TNPO3: variants seen among roughly 807,000 people sequenced by gnomAD.
TNPO3 encodes transportin-3.
Under a neutral mutation model 122.8 loss-of-function variants are expected in TNPO3, and 65 were observed. The ratio of observed to expected loss-of-function variants is 0.53; its 90% CI spans 0.43 to 0.65. The LOEUF is 0.65. Among genes scored for constraint, TNPO3 ranks in the 30% least tolerant of loss-of-function variants. The pLI, the probability that TNPO3 is intolerant of heterozygous loss-of-function variation, is 0.00. For missense variants in TNPO3, 850 were observed against 1,136.7 expected (o/e 0.75, Z 3.63); for synonymous variants, 372 against 411.2 (o/e 0.90, Z 1.15).
intron 13 of TNPO3, among the ~76,000 whole-genome samples, chr7:128,983,331 C>T (rs1033284052): frequency 2.0e-5 from 3 of 152,064 alleles, no homozygotes; most frequent in African/African-American, 7.2e-5. Flanking sequence ...CTCAGCCTCC[C>T]GAGTAGCTGA....
Position 129,054,760 on chromosome 7 carries a change from G to A in TNPO3, c.11C>T (p.Ala4Val). The A allele has an allele frequency of 6.2e-7, 1 of 1,614,148 alleles. No individual in the cohort carries two copies. The highest frequency in any genetic ancestry group is 8.5e-7 in the Non-Finnish European group (1 of 1,180,014). Residue 4 changes from alanine to valine, a missense_variant, in exon 1 of 23, where the codon GCA becomes GTA. Coordinates refer to ENST00000265388, the MANE Select transcript of TNPO3 (RefSeq NM_012470.4). ...GTACACGAGCTGCAATGTCGGCTTT[G>A]CTCCTTCCATGGTGGTGGCGGTAGT... is the stretch of plus-strand genomic sequence containing the variant. MEG[A>V]KPTLQLVYQA...
chr7:129,033,906 CAAA>C (rs776103730), intron 1 of TNPO3, among the ~76,000 whole-genome samples: 13 of 72,452 alleles, frequency 1.8e-4, no homozygotes, highest in South Asian at 4.4e-4. Flanking sequence ...GAGCTAAACT[CAAA>C]AAAAAAAAAA....
chr7:129,053,283 C>G (rs1563116030), intron 1 of TNPO3, among the ~76,000 whole-genome samples: 1 of 151,436 alleles, frequency 6.6e-6, no homozygotes, highest in Non-Finnish European at 1.5e-5. Context: ...CGAGATAGCA[C>G]CACTGCACTC....
chr7:129,049,450 T>C (rs1808446524), intron 1 of TNPO3, among the ~76,000 whole-genome samples: 1 of 152,138 alleles, frequency 6.6e-6, no homozygotes, highest in African/African-American at 2.4e-5. Context: ...ACTAGAATGA[T>C]AGATCTTGGA....
intron 1 of TNPO3, among the ~76,000 whole-genome samples, chr7:129,035,945 CTTTTCTTTT>C (rs1806600872): frequency 1.0e-5 from 1 of 95,608 alleles, no homozygotes; most frequent in Non-Finnish European, 2.4e-5. Flanking sequence ...TTTTTCTTTT[CTTTTCTTTT>C]TTTTTTTTTT....
chr7:128,981,768 A>C (rs2150323951), intron 14 of TNPO3, among the ~76,000 whole-genome samples: 1 of 148,894 alleles, frequency 6.7e-6, no homozygotes, highest in East Asian at 2.0e-4. Context: ...TCACTCTGTC[A>C]CCCCGGCTAG....
In TNPO3 at chr7:128,970,194, G is replaced by C. The variant is rs1278096288; in HGVS notation, c.2552C>G (p.Pro851Arg). ...CCFCLPPYTL[P>R]DVAEVLWEIM... ...CTCCCAGAGCACTTCAGCCACATCTGGTAGGGTATAGGGGGGGAGGCAAAA... is the reference window on the plus strand; with the variant it reads ...CTCCCAGAGCACTTCAGCCACATCTCGTAGGGTATAGGGGGGGAGGCAAAA... Residue 851 changes from proline to arginine, a missense_variant, in exon 20 of 23, where the codon CCA (proline) becomes CGA (arginine). Transcript: ENST00000265388. 6.2e-7 allele frequency: 1 copy of C among 1,614,174 alleles called. No homozygotes were observed.
At chr7:129,021,081 C>T (rs1475483811) in intron 1 of TNPO3, among the ~76,000 whole-genome samples, 11 of 151,922 alleles carry the variant, frequency 7.2e-5, no homozygotes, top group Non-Finnish European at 4.4e-5. Flanking sequence ...TTTGGCCGGG[C>T]GCGGTGGCTC....
intron 1 of TNPO3, among the ~76,000 whole-genome samples, chr7:129,038,828 G>T (rs1245704926): frequency 6.6e-6 from 1 of 152,154 alleles, no homozygotes; most frequent in East Asian, 1.9e-4. Context: ...CTAACTGGAG[G>T]TAAGAGGTTG....
chr7:129,000,944 T>C, intron 6 of TNPO3, 115 bp downstream of exon 6: 1 of 1,265,022 alleles, frequency 7.9e-7, no homozygotes, highest in Non-Finnish European at 1.1e-6. Flanking sequence ...AAGCACTATC[T>C]GTACTTTACA....
chr7:128,972,358 C>T, intron 19 of TNPO3, 68 bp downstream of exon 19: 3 of 1,527,036 alleles, frequency 2.0e-6, no homozygotes, highest in Non-Finnish European at 1.8e-6. Flanking sequence ...CTGGTTTTCT[C>T]CTAAGGAATG....
chr7:128,956,072 G>A (rs1796871357), intron 22 of TNPO3, among the ~76,000 whole-genome samples: 1 of 152,166 alleles, frequency 6.6e-6, no homozygotes, highest in South Asian at 2.1e-4. Context: ...AGTTAACCAT[G>A]AACACCTACA....
chr7:129,049,349 C>G (rs953225620), intron 1 of TNPO3, among the ~76,000 whole-genome samples: 4 of 152,126 alleles, frequency 2.6e-5, no homozygotes, highest in African/African-American at 9.7e-5. Context: ...TGCAAAGCAC[C>G]TAGATCTGAC....
intron 1 of TNPO3, among the ~76,000 whole-genome samples, chr7:129,036,625 C>T (rs1236983396): frequency 6.6e-6 from 1 of 151,978 alleles, no homozygotes. Context: ...AGAAAAATGT[C>T]CTTGTTCTTA....
chr7:128,958,643 C>T (rs1020385772), intron 21 of TNPO3, among the ~76,000 whole-genome samples: 2 of 152,218 alleles, frequency 1.3e-5, no homozygotes, highest in Non-Finnish European at 2.9e-5. Flanking sequence ...TAGGTTCCTA[C>T]ATCCAGATTT....
At chr7:129,056,104 A>T (rs1809429674), upstream of TNPO3, 1 of 1,114,690 alleles carries the variant, frequency 9.0e-7, no homozygotes, top group Non-Finnish European at 1.4e-6. Context: ...ATCGGCACTC[A>T]GAACGCGGCC....
intron 5 of TNPO3, among the ~76,000 whole-genome samples, chr7:129,001,834 A>G (rs1471606746): frequency 1.3e-5 from 2 of 152,166 alleles, no homozygotes; most frequent in Non-Finnish European, 2.9e-5. Context: ...TGTTCACACC[A>G]GCCCCTCCAA....
chr7:129,047,467 T>G (rs895603444), intron 1 of TNPO3, among the ~76,000 whole-genome samples: 1 of 152,224 alleles, frequency 6.6e-6, no homozygotes, highest in African/African-American at 2.4e-5. Context: ...GTGATATCTA[T>G]CTATCACATA....
intron 16 of TNPO3, among the ~76,000 whole-genome samples, chr7:128,976,358 C>CA (rs1799058281): frequency 6.6e-6 from 1 of 152,212 alleles, no homozygotes; most frequent in East Asian, 1.9e-4. Context: ...ACAGTGAAAG[C>CA]ATTGTTTAAA....
Sources: gnomAD v4.1 joint callset for allele counts (sites outside exome capture counted in the v4.1 genomes callset) on GRCh38, gnomAD v4.1.1 for gene constraint, MANE v1.5 for transcripts, NCBI Gene and HGNC (gene_info 2026-07-23, HGNC 2026-07-21) for gene names.